Variants in NRG1 observed in about 807,000 individuals in gnomAD.
NRG1 encodes the protein pro-neuregulin-1, membrane-bound isoform.
In NRG1, 18 loss-of-function variants were observed where a neutral mutation model predicts 63.8. That is an observed-to-expected ratio of 0.28 (90% CI 0.19 to 0.42). The LOEUF is 0.42. NRG1 is among the 10% of genes least tolerant of loss of function. The pLI, the probability that NRG1 is intolerant of heterozygous loss-of-function variation, is 1.00. For missense variants in NRG1, 762 were observed against 814.7 expected, an observed-to-expected ratio of 0.94 and a Z score of 0.79; for synonymous variants, 302 against 301.3, an observed-to-expected ratio of 1.00 and a Z score of -0.02.
chr8:32,109,310 T>A (rs1831693008), intron 1 of NRG1, among the ~76,000 whole-genome samples: 1 of 152,190 alleles, frequency 6.6e-6, no homozygotes, highest in African/African-American at 2.4e-5. Flanking sequence ...TGATTAGCTC[T>A]GGGCATGTTC....
chr8:31,782,167 C>A (rs749334045), intron 1 of NRG1, among the ~76,000 whole-genome samples: 1 of 152,188 alleles, frequency 6.6e-6, no homozygotes, highest in Non-Finnish European at 1.5e-5. Context: ...CTCTCCCATT[C>A]TAGGGAATCT....
chr8:32,004,172 G>A (rs1001847217), intron 1 of NRG1, among the ~76,000 whole-genome samples: 1 of 151,980 alleles, frequency 6.6e-6, no homozygotes, highest in Admixed American at 6.6e-5. Flanking sequence ...TTCTGGGAAA[G>A]GGAAGACCAT....
intron 5 of NRG1, among the ~76,000 whole-genome samples, chr8:32,657,778 A>G (rs1801867174): frequency 6.6e-6 from 1 of 152,208 alleles, no homozygotes; most frequent in Non-Finnish European, 1.5e-5. Flanking sequence ...TGATTGTTAC[A>G]TGATGCTAAG....
intron 1 of NRG1, among the ~76,000 whole-genome samples, chr8:32,291,780 A>C (rs925041547): frequency 6.6e-6 from 1 of 152,016 alleles, no homozygotes; most frequent in African/African-American, 2.4e-5. Context: ...CCTGACCTCA[A>C]GTGATCTGCT....
intron 1 of NRG1, among the ~76,000 whole-genome samples, chr8:31,826,243 T>C (rs1824542237): frequency 6.6e-6 from 1 of 152,084 alleles, no homozygotes; most frequent in Non-Finnish European, 1.5e-5. Context: ...GGAAAGGAAT[T>C]TGCTTTCTGA....
chr8:31,736,225 C>T (rs185770376), intron 1 of NRG1, among the ~76,000 whole-genome samples: 2 of 152,296 alleles, frequency 1.3e-5, no homozygotes, highest in Admixed American at 6.5e-5. Context: ...CACTGCAGAA[C>T]CCTTGCACTA....
chr8:32,510,360 T>C (rs549921824), intron 1 of NRG1, among the ~76,000 whole-genome samples: 1 of 150,720 alleles, frequency 6.6e-6, no homozygotes, highest in African/African-American at 2.4e-5. Flanking sequence ...AGACCCTGTT[T>C]CAAAAAAATA....
chr8:32,548,914 C>T, intron 1 of NRG1, 88 bp downstream of exon 1: 1 of 1,435,580 alleles, frequency 7.0e-7, no homozygotes, highest in East Asian at 2.7e-5. Context: ...CCTCTCCCTC[C>T]CCCTCTCCCT....
At chr8:32,289,435 TAA>T (rs560436983) in intron 1 of NRG1, among the ~76,000 whole-genome samples, 7,324 of 145,604 alleles carry the variant, frequency 0.05, 457 homozygotes, top group African/African-American at 0.15. Flanking sequence ...GTTAACGTAT[TAA>T]AAAAAAAAAA....
chr8:31,689,630 A>T (rs1185822466), intron 1 of NRG1, among the ~76,000 whole-genome samples: 12 of 151,774 alleles, frequency 7.9e-5, no homozygotes, highest in African/African-American at 2.9e-4. Context: ...CTCTTTCCTA[A>T]TTTTCTTGGA....
chr8:32,020,471 C>A (rs966143396), intron 1 of NRG1, among the ~76,000 whole-genome samples: 2 of 151,944 alleles, frequency 1.3e-5, no homozygotes, highest in Non-Finnish European at 2.9e-5. Flanking sequence ...ATTTTATTTC[C>A]TTTCCTTGCT....
intron 1 of NRG1, among the ~76,000 whole-genome samples, chr8:32,187,958 A>T (rs1842123918): frequency 6.6e-6 from 1 of 152,218 alleles, no homozygotes; most frequent in Admixed American, 6.5e-5. Context: ...TTAAGATATT[A>T]CATAAAATAC....
intron 1 of NRG1, among the ~76,000 whole-genome samples, chr8:32,397,916 A>G (rs965629785): frequency 6.6e-6 from 1 of 152,216 alleles, no homozygotes; most frequent in African/African-American, 2.4e-5. Flanking sequence ...AAAAGCATGA[A>G]TTTGTTAAAG....
chr8:31,928,628 A>G (rs1052066103), intron 1 of NRG1, among the ~76,000 whole-genome samples: 20 of 122,292 alleles, frequency 1.6e-4, no homozygotes, highest in African/African-American at 6.0e-4. Context: ...TGTGTATACC[A>G]TGAAATACTA....
rs560162786 is a variant in NRG1 at position 31,928,151 on chromosome 8, G to T, written c.37+288720G>T. ...TGGTTGTGTGACAAAAAGCCAAATA[G>T]TATTTTAGGCTCCAATGAAGAGGAA... is the stretch of plus-strand genomic sequence containing the variant. On this transcript the variant is annotated intron_variant, in intron 1 of 10. Coordinates refer to the NRG1 transcript ENST00000519301. Among the ~76,000 whole-genome samples, 5 of 151,754 alleles carry T rather than the reference G, an allele frequency of 3.3e-5. No individual in the cohort carries two copies. In the East Asian group the frequency reaches 9.7e-4, roughly 29 times the overall value.
At chr8:32,255,743 G>A (rs1849627858) in intron 1 of NRG1, among the ~76,000 whole-genome samples, 1 of 152,156 alleles carries the variant, frequency 6.6e-6, no homozygotes, top group African/African-American at 2.4e-5. Flanking sequence ...TCCTGAATTT[G>A]AATGTTGGCC....
intron 5 of NRG1, among the ~76,000 whole-genome samples, chr8:32,680,505 C>G (rs181715522): frequency 1.6e-4 from 24 of 152,242 alleles, no homozygotes; most frequent in Admixed American, 1.0e-3. Flanking sequence ...GTGTGAGAAC[C>G]TGATTTCTGT....
At chr8:32,753,132 T>C (rs1829042462) in intron 7 of NRG1, among the ~76,000 whole-genome samples, 1 of 152,242 alleles carries the variant, frequency 6.6e-6, no homozygotes, top group East Asian at 1.9e-4. Context: ...GTTTGTACAG[T>C]ATTCCCCAGT....
At chr8:32,677,021 C>T (rs1807309161) in intron 5 of NRG1, among the ~76,000 whole-genome samples, 1 of 152,042 alleles carries the variant, frequency 6.6e-6, no homozygotes, top group African/African-American at 2.4e-5. Flanking sequence ...ATCTCATCAT[C>T]CACAGTGTTT....
Sources: allele counts gnomAD v4.1 joint callset (sites outside exome capture counted in the v4.1 genomes callset), GRCh38; gene constraint gnomAD v4.1.1; transcripts MANE v1.5; gene names NCBI Gene and HGNC (gene_info 2026-07-23, HGNC 2026-07-21).